Variants in PCDH15 observed in about 807,000 individuals in gnomAD.
PCDH15 encodes protocadherin related 15.
In PCDH15, 129 loss-of-function variants were observed where a neutral mutation model predicts 178.5. The ratio of observed to expected loss-of-function variants is 0.72; its 90% CI spans 0.63 to 0.84. PCDH15 has a LOEUF of 0.84. PCDH15 is among the 40% of genes least tolerant of loss of function. The pLI, the probability that PCDH15 is intolerant of heterozygous loss-of-function variation, is 0.00. For missense variants in PCDH15, 2,230 were observed against 2,099.9 expected (o/e 1.06, Z -1.21); for synonymous variants, 800 against 732.0 (o/e 1.09, Z -1.50).
intron 2 of PCDH15, among the ~76,000 whole-genome samples, chr10:55,484,967 T>C (rs557411280): frequency 1.3e-5 from 2 of 151,856 alleles, no homozygotes; most frequent in African/African-American, 4.8e-5. Flanking sequence ...TTCATGATAT[T>C]GTTCTGGGGA....
chr10:55,612,188 A>G (rs1166703763), intron 2 of PCDH15, among the ~76,000 whole-genome samples: 1 of 152,132 alleles, frequency 6.6e-6, no homozygotes, highest in Non-Finnish European at 1.5e-5. Flanking sequence ...TGTTCTCACC[A>G]TAAAGTAATG....
At chr10:55,370,114 T>C (rs1423162318) in intron 2 of PCDH15, among the ~76,000 whole-genome samples, 2 of 152,130 alleles carry the variant, frequency 1.3e-5, no homozygotes, top group East Asian at 3.9e-4. Context: ...CTCAAAAATC[T>C]AGACTATTCC....
At chr10:55,404,582 G>A (rs986803281) in intron 2 of PCDH15, among the ~76,000 whole-genome samples, 1 of 151,776 alleles carries the variant, frequency 6.6e-6, no homozygotes, top group Non-Finnish European at 1.5e-5. Flanking sequence ...TAGAACTCGA[G>A]CCCAAAAAGT....
chr10:55,604,994 A>G (rs1843180378), intron 2 of PCDH15, among the ~76,000 whole-genome samples: 1 of 152,122 alleles, frequency 6.6e-6, no homozygotes, highest in African/African-American at 2.4e-5. Flanking sequence ...TAGATAGACC[A>G]CTAGCAAGAC....
At chr10:54,148,083 A>G (rs72797066) in intron 14 of PCDH15, among the ~76,000 whole-genome samples, 27,769 of 152,072 alleles carry the variant, frequency 0.18, 2,791 homozygotes, top group Admixed American at 0.21. Context: ...TGTATGCTCA[A>G]TAAGTATTAT....
At chr10:53,990,893 C>T (rs1233904275) in intron 21 of PCDH15, among the ~76,000 whole-genome samples, 1 of 152,064 alleles carries the variant, frequency 6.6e-6, no homozygotes, top group Non-Finnish European at 1.5e-5. Flanking sequence ...CTTGGCGGGC[C>T]CCACACTCCG....
At chr10:55,612,997 A>G (rs556535071) in intron 2 of PCDH15, among the ~76,000 whole-genome samples, 1 of 150,588 alleles carries the variant, frequency 6.6e-6, no homozygotes, top group South Asian at 2.1e-4. Context: ...GAGACTCTCC[A>G]ATACATATTT....
intron 2 of PCDH15, among the ~76,000 whole-genome samples, chr10:54,605,247 T>G (rs548055030): frequency 1.8e-4 from 28 of 152,206 alleles, no homozygotes; most frequent in African/African-American, 6.5e-4. Flanking sequence ...TTTATACTTT[T>G]GTATGCTCTT....
chr10:54,284,119 GC>G (rs2132794822), intron 8 of PCDH15, among the ~76,000 whole-genome samples: 1 of 152,258 alleles, frequency 6.6e-6, no homozygotes, highest in Non-Finnish European at 1.5e-5. Flanking sequence ...ACAGTCATGA[GC>G]CATGGTGCCC....
chr10:54,992,890 C>A (rs931811847), intron 2 of PCDH15, among the ~76,000 whole-genome samples: 3 of 152,094 alleles, frequency 2.0e-5, no homozygotes, highest in Admixed American at 6.5e-5. Flanking sequence ...AAGGGTCTCA[C>A]AGACTTATCA....
intron 14 of PCDH15, among the ~76,000 whole-genome samples, chr10:54,140,650 G>A (rs1190335067): frequency 6.6e-6 from 1 of 151,372 alleles, no homozygotes; most frequent in Non-Finnish European, 1.5e-5. Context: ...TTGTATTTTA[G>A]TAGAGATGGG....
chr10:54,394,089 T>C (rs1251995029), intron 3 of PCDH15, among the ~76,000 whole-genome samples: 1 of 152,070 alleles, frequency 6.6e-6, no homozygotes, highest in African/African-American at 2.4e-5. Flanking sequence ...AATATGACCA[T>C]GTTATAAAGA....
intron 3 of PCDH15, among the ~76,000 whole-genome samples, chr10:54,411,291 A>T (rs2135635428): frequency 6.6e-6 from 1 of 152,318 alleles, no homozygotes; most frequent in South Asian, 2.1e-4. Context: ...GCCACTTCCC[A>T]AAATTTGTGC....
chr10:54,996,186 C>T (rs1591825769), intron 2 of PCDH15, among the ~76,000 whole-genome samples: 1 of 152,030 alleles, frequency 6.6e-6, no homozygotes, highest in Admixed American at 6.6e-5. Flanking sequence ...ACCATTTTTT[C>T]GCCAGAGCTT....
chr10:55,337,536 A>G (rs1292823845), intron 2 of PCDH15, among the ~76,000 whole-genome samples: 1 of 152,238 alleles, frequency 6.6e-6, no homozygotes, highest in Non-Finnish European at 1.5e-5. Flanking sequence ...CTGTAGTAAC[A>G]TACTAGAATG....
intron 5 of PCDH15, among the ~76,000 whole-genome samples, chr10:54,368,513 C>T (rs2134692910): frequency 6.6e-6 from 1 of 151,958 alleles, no homozygotes; most frequent in Admixed American, 6.6e-5. Flanking sequence ...AAAAGTGGTT[C>T]TTCACTTATG....
chr10:53,916,274 G>A (rs575811850), intron 25 of PCDH15, among the ~76,000 whole-genome samples: 1 of 152,186 alleles, frequency 6.6e-6, no homozygotes, highest in Non-Finnish European at 1.5e-5. Context: ...ATAGTCATGA[G>A]GAAATAATCA....
chr10:55,497,328 T>C (rs552554400), intron 2 of PCDH15, among the ~76,000 whole-genome samples: 2 of 151,656 alleles, frequency 1.3e-5, no homozygotes, highest in South Asian at 4.2e-4. Context: ...AGAGACAAGG[T>C]CTCACTATGT....
At chr10:53,910,135 C>G (rs926618002) in intron 25 of PCDH15, among the ~76,000 whole-genome samples, 2 of 152,198 alleles carry the variant, frequency 1.3e-5, no homozygotes, top group Non-Finnish European at 2.9e-5. Context: ...CCTGGTCTGA[C>G]AGCTCTGAAG....
Sources: gnomAD v4.1 joint callset for allele counts (sites outside exome capture counted in the v4.1 genomes callset) on GRCh38, gnomAD v4.1.1 for gene constraint, MANE v1.5 for transcripts, NCBI Gene and HGNC (gene_info 2026-07-23, HGNC 2026-07-21) for gene names.